The following ERBB4 variants were observed in gnomAD, a reference collection of about 807,000 sequenced individuals.
ERBB4 encodes the protein receptor tyrosine-protein kinase erbB-4.
Under a neutral mutation model 158.0 loss-of-function variants are expected in ERBB4, and 42 were observed. The observed-to-expected ratio is 0.27, with a 90% CI of 0.21 to 0.34. The LOEUF (loss-of-function observed/expected upper bound fraction) is 0.34. ERBB4 is among the 10% of genes least tolerant of loss of function. The probability of loss-of-function intolerance (pLI) is 1.00; values close to 1 mark genes in which losing one functional copy is unlikely to be tolerated. For synonymous variants in ERBB4, 583 were observed against 558.7 expected, an observed-to-expected ratio of 1.04 and a Z score of -0.61; for missense variants, 1,333 against 1,624.1, an observed-to-expected ratio of 0.82 and a Z score of 3.08.
intron 4 of ERBB4, among the ~76,000 whole-genome samples, chr2:211,773,122 C>A (rs2075758466): frequency 1.3e-5 from 2 of 150,158 alleles, no homozygotes; most frequent in Admixed American, 1.3e-4. Context: ...GATCAGGCAC[C>A]TGGGTCTTAA....
chr2:211,385,708 G>A (rs1318861361), intron 27 of ERBB4, among the ~76,000 whole-genome samples: 1 of 152,080 alleles, frequency 6.6e-6, no homozygotes, highest in Non-Finnish European at 1.5e-5. Flanking sequence ...ACTCTATAGG[G>A]TGACTTGCTT....
chr2:211,559,130 C>T lies in ERBB4; in HGVS notation c.2487+2773G>A, dbSNP rs962505133. On this transcript the variant is annotated intron_variant, in intron 20 of 27. Coordinates refer to ENST00000342788, the MANE Select transcript of ERBB4 (RefSeq NM_005235.3). The stretch of plus-strand genomic sequence containing the variant: ...TCACCACCTCAGGAAATGATCTCAC[C>T]GTACTCCCCTCCCTCACCACTCATA... 5.9e-5 allele frequency among the ~76,000 whole-genome samples: 9 copies of T among 152,168 alleles called. No homozygotes were observed. The South Asian group carries it at 1.2e-3, about 21-fold the overall frequency.
chr2:212,349,318 C>CACAT (rs2089152110), intron 1 of ERBB4, among the ~76,000 whole-genome samples: 1 of 151,614 alleles, frequency 6.6e-6, no homozygotes, highest in African/African-American at 2.4e-5. Context: ...CACACACACA[C>CACAT]ACACCCTTCA....
At chr2:212,336,208 A>G (rs2088436586) in intron 1 of ERBB4, among the ~76,000 whole-genome samples, 1 of 152,008 alleles carries the variant, frequency 6.6e-6, no homozygotes, top group African/African-American at 2.4e-5. Flanking sequence ...CAGCTTTTCA[A>G]TCAGCTTCCT....
chr2:211,878,719 G>A (rs528510382), intron 3 of ERBB4, among the ~76,000 whole-genome samples: 18 of 144,370 alleles, frequency 1.2e-4, no homozygotes, highest in South Asian at 2.1e-4. Context: ...GTGCAGTGGC[G>A]CAATCTCAGC....
intron 1 of ERBB4, among the ~76,000 whole-genome samples, chr2:212,344,470 G>A (rs891158643): frequency 3.9e-5 from 5 of 129,360 alleles, no homozygotes; most frequent in African/African-American, 1.7e-4. Flanking sequence ...ATATGTGTGT[G>A]TATATATGTG....
chr2:211,449,341 C>T (rs1363635184), intron 20 of ERBB4, among the ~76,000 whole-genome samples: 1 of 152,036 alleles, frequency 6.6e-6, no homozygotes, highest in Admixed American at 6.6e-5. Context: ...TTTTGTATTT[C>T]ACAACCAGTG....
chr2:211,728,345 T>C (rs183338141), intron 5 of ERBB4, among the ~76,000 whole-genome samples: 3 of 151,862 alleles, frequency 2.0e-5, no homozygotes, highest in Admixed American at 6.6e-5. Context: ...ACACATTATA[T>C]ATATATATAT....
At chr2:212,134,297 A>G (rs1294857431) in intron 1 of ERBB4, among the ~76,000 whole-genome samples, 4 of 152,042 alleles carry the variant, frequency 2.6e-5, no homozygotes, top group Admixed American at 6.6e-5. Flanking sequence ...TTACTCTATT[A>G]GTATAATTCT....
intron 15 of ERBB4, among the ~76,000 whole-genome samples, chr2:211,660,787 A>G (rs1005768402): frequency 6.6e-6 from 1 of 152,234 alleles, no homozygotes; most frequent in Non-Finnish European, 1.5e-5. Flanking sequence ...AGGAACCCCA[A>G]CAGTATATGA....
chr2:211,749,510 C>G (rs538791320), intron 5 of ERBB4, among the ~76,000 whole-genome samples: 2 of 142,288 alleles, frequency 1.4e-5, no homozygotes, highest in Admixed American at 1.4e-4. Flanking sequence ...AAGGTGGGAC[C>G]CACGTGGGAA....
intron 25 of ERBB4, among the ~76,000 whole-genome samples, chr2:211,402,226 A>T (rs2063059317): frequency 6.6e-6 from 1 of 152,030 alleles, no homozygotes; most frequent in Non-Finnish European, 1.5e-5. Context: ...AAGCTCCTTA[A>T]GTAGATAACC....
intron 24 of ERBB4, among the ~76,000 whole-genome samples, chr2:211,421,427 A>C (rs1417139212): frequency 6.6e-6 from 1 of 151,814 alleles, no homozygotes; most frequent in Non-Finnish European, 1.5e-5. Context: ...ATTATTTTTT[A>C]ATTATCCAAG....
At chr2:212,196,128 C>G (rs2082419198) in intron 1 of ERBB4, among the ~76,000 whole-genome samples, 1 of 152,066 alleles carries the variant, frequency 6.6e-6, no homozygotes, top group Non-Finnish European at 1.5e-5. Flanking sequence ...TTCGATTCCC[C>G]TAAAACTTAA....
chr2:212,049,060 T>G (rs544937282), intron 2 of ERBB4, among the ~76,000 whole-genome samples: 1 of 152,308 alleles, frequency 6.6e-6, no homozygotes, highest in South Asian at 2.1e-4. Flanking sequence ...CATGACCAAA[T>G]GAAAACCTTG....
Position 211,513,835 on chromosome 2 carries a change from T to TG in ERBB4, c.2487+48067dup, listed in dbSNP as rs371212968. Among the ~76,000 whole-genome samples the TG allele has an allele frequency of 8.2e-3, 1,249 of 151,990 alleles. 17 individuals carry two copies. The highest frequency in any genetic ancestry group is 0.028 in the African/African-American group (1,160 of 41,446). On this transcript the variant is annotated intron_variant, in intron 20 of 27. Transcript: ENST00000342788. ...AATAGCTAAGGTTTCTTTATATTTTTGGGGGGGATTAAAAAATTGATTAAA... is the reference window on the plus strand; with the variant it reads ...AATAGCTAAGGTTTCTTTATATTTTTGGGGGGGGATTAAAAAATTGATTAAA...
Position 212,449,480 on chromosome 2 carries a change from T to C in ERBB4, c.82+88969A>G, listed in dbSNP as rs1205275177. Among the ~76,000 whole-genome samples the C allele has an allele frequency of 5.9e-5, 9 of 152,268 alleles. No homozygotes were observed. The East Asian group carries it at 1.5e-3, about 26-fold the overall frequency. ...TCAAATGTGCATTTCTGTTAAAAGATTGCAGGCTGTATTTAATTACGTATA... is the reference window on the plus strand; with the variant it reads ...TCAAATGTGCATTTCTGTTAAAAGACTGCAGGCTGTATTTAATTACGTATA... On this transcript the variant is annotated intron_variant, in intron 1 of 27. Transcript: ENST00000342788.
intron 2 of ERBB4, among the ~76,000 whole-genome samples, chr2:212,118,268 G>C (rs2079631871): frequency 6.6e-6 from 1 of 152,138 alleles, no homozygotes; most frequent in Non-Finnish European, 1.5e-5. Context: ...GGAAGGAATA[G>C]ATCAAGACAT....
intron 1 of ERBB4, among the ~76,000 whole-genome samples, chr2:212,522,293 A>T (rs1362157802): frequency 6.6e-6 from 1 of 151,986 alleles, no homozygotes; most frequent in African/African-American, 2.4e-5. Flanking sequence ...AGAAGTGCCT[A>T]GCACACTTCC....
Sources: allele counts gnomAD v4.1 joint callset (sites outside exome capture counted in the v4.1 genomes callset), GRCh38; gene constraint gnomAD v4.1.1; transcripts MANE v1.5; gene names NCBI Gene and HGNC (gene_info 2026-07-23, HGNC 2026-07-21).